Variants in TTLL7 observed in about 807,000 individuals in gnomAD.
TTLL7 encodes the protein tubulin tyrosine ligase like 7, also known as tubulin polyglutamylase TTLL7.
A neutral mutation model predicts 120.2 loss-of-function variants in TTLL7; 53 were observed. That is an observed-to-expected ratio of 0.44 (90% CI 0.35 to 0.55). The LOEUF (loss-of-function observed/expected upper bound fraction) is 0.55, where lower values mean the gene tolerates loss of function less well. TTLL7 is among the 20% of genes least tolerant of loss of function. The probability of loss-of-function intolerance (pLI) is 0.00; values close to 1 mark genes in which losing one functional copy is unlikely to be tolerated. For synonymous variants in TTLL7, 353 were observed against 351.7 expected, an observed-to-expected ratio of 1.00 and a Z score of -0.04; for missense variants, 803 against 1,054.7, an observed-to-expected ratio of 0.76 and a Z score of 3.31.
chr1:83,924,450 C>CTT (rs1267133866), intron 10 of TTLL7, among the ~76,000 whole-genome samples: 1 of 152,150 alleles, frequency 6.6e-6, no homozygotes, highest in Non-Finnish European at 1.5e-5. Flanking sequence ...ATCCCAGTTA[C>CTT]TTTAAGCCAG....
At chr1:83,951,734 T>C in intron 3 of TTLL7, 111 bp downstream of exon 3, 1 of 1,226,270 alleles carries the variant, frequency 8.2e-7, no homozygotes, top group South Asian at 1.8e-5. Context: ...CATTTAAAAA[T>C]CCATTATATA....
chr1:83,996,419 C>G (rs1178256541), intron 1 of TTLL7, among the ~76,000 whole-genome samples: 1 of 152,152 alleles, frequency 6.6e-6, no homozygotes, highest in Non-Finnish European at 1.5e-5. Context: ...TGTATCCAAA[C>G]AGTAGATGAG....
chr1:83,949,718 T>C, intron 4 of TTLL7, 147 bp downstream of exon 4: 1 of 786,270 alleles, frequency 1.3e-6, no homozygotes, highest in Non-Finnish European at 2.0e-6. Flanking sequence ...AAAGAGCCAA[T>C]ACAACTGGAT....
At chr1:83,885,297 A>G (rs1361736392) in intron 19 of TTLL7, among the ~76,000 whole-genome samples, 1 of 152,000 alleles carries the variant, frequency 6.6e-6, no homozygotes, top group African/African-American at 2.4e-5. Flanking sequence ...ACTTGGATAT[A>G]TTTATTTCTT....
chr1:83,874,782 A>G lies in TTLL7; in HGVS notation c.2544-4700T>C, dbSNP rs1653771313. Among the ~76,000 whole-genome samples, 4 of 151,996 alleles carry G rather than the reference A, an allele frequency of 2.6e-5. No homozygotes were observed. The South Asian group carries it at 8.3e-4, about 31-fold the overall frequency. On this transcript the variant is annotated intron_variant, in intron 20 of 20. Coordinates refer to ENST00000260505, the MANE Select transcript of TTLL7 (RefSeq NM_024686.6). ...ATCTAAATCCAATATGGATTTGGATAAGCCTCACTTTTCTCAGCTGTAAAA... is the reference window on the plus strand; with the variant it reads ...ATCTAAATCCAATATGGATTTGGATGAGCCTCACTTTTCTCAGCTGTAAAA...
At chr1:83,932,046 T>C (rs1659644192) in intron 9 of TTLL7, among the ~76,000 whole-genome samples, 1 of 151,816 alleles carries the variant, frequency 6.6e-6, no homozygotes, top group Admixed American at 6.6e-5. Context: ...AAGGAAAGAG[T>C]AAAGAATGAA....
intron 20 of TTLL7, among the ~76,000 whole-genome samples, chr1:83,873,433 A>T (rs1653624755): frequency 6.6e-6 from 1 of 152,212 alleles, no homozygotes. Context: ...AAGCAGGAAG[A>T]CTATCTCATG....
chr1:83,952,108 T>G, intron 2 of TTLL7, 79 bp downstream of exon 2: 3 of 1,532,718 alleles, frequency 2.0e-6, no homozygotes, highest in Non-Finnish European at 2.7e-6. Flanking sequence ...CCAATTAATT[T>G]TTAATACTTT....
At chr1:83,956,268 T>TTTTATTTATTTA (rs200856042) in intron 1 of TTLL7, among the ~76,000 whole-genome samples, 3 of 150,368 alleles carry the variant, frequency 2.0e-5, no homozygotes, top group Admixed American at 2.0e-4. Flanking sequence ...TTATTATTAT[T>TTTTATTTATTTA]TTTATTTATT....
chr1:83,872,457 A>T (rs1246959537), intron 20 of TTLL7, among the ~76,000 whole-genome samples: 2 of 152,208 alleles, frequency 1.3e-5, no homozygotes, highest in Non-Finnish European at 2.9e-5. Flanking sequence ...TATCCTTCCT[A>T]TCTAGGGCAA....
intron 1 of TTLL7, among the ~76,000 whole-genome samples, chr1:83,975,707 G>A (rs1250265381): frequency 3.3e-5 from 5 of 152,048 alleles, no homozygotes; most frequent in South Asian, 2.1e-4. Context: ...TCTTGAAACC[G>A]TGCTGAAAAA....
At chr1:83,903,015 C>A (rs894320875) in intron 18 of TTLL7, among the ~76,000 whole-genome samples, 5 of 151,882 alleles carry the variant, frequency 3.3e-5, no homozygotes, top group African/African-American at 4.8e-5. Flanking sequence ...AATTCCCACT[C>A]CCCCGGTTCT....
chr1:83,973,056 T>C (rs1321681658), intron 1 of TTLL7, among the ~76,000 whole-genome samples: 1 of 152,046 alleles, frequency 6.6e-6, no homozygotes, highest in East Asian at 1.9e-4. Context: ...TTTCACAGAA[T>C]GTAAGTTTTT....
intron 1 of TTLL7, among the ~76,000 whole-genome samples, chr1:83,965,333 G>A (rs372999957): frequency 1.3e-5 from 2 of 151,988 alleles, no homozygotes; most frequent in African/African-American, 2.4e-5. Context: ...GAGTTCTCAC[G>A]AAATCTGATG....
In TTLL7 at chr1:83,887,792, T is replaced by C. The variant is rs77027884; in HGVS notation, c.2369+2529A>G. On this transcript the variant is annotated intron_variant, in intron 19 of 20. Coordinates refer to ENST00000260505, the MANE Select transcript of TTLL7 (RefSeq NM_024686.6). ...AGGCTCATACAGTTACTATGGGAAA[T>C]TGAGTAAATTATATACTCTGTTTAT... 8.3e-3 allele frequency among the ~76,000 whole-genome samples: 1,265 copies of C among 151,712 alleles called. 16 individuals are homozygous for C. The highest frequency in any genetic ancestry group is 0.029 in the African/African-American group (1,220 of 41,500).
intron 3 of TTLL7, among the ~76,000 whole-genome samples, 196 bp from the exon 4 acceptor site, chr1:83,950,182 C>T (rs1358165322): frequency 9.9e-5 from 15 of 152,042 alleles, no homozygotes. Flanking sequence ...AACTGTTTTT[C>T]GGTTGCACCC....
At chr1:83,928,968 A>C (rs965775102) in intron 10 of TTLL7, among the ~76,000 whole-genome samples, 168 bp downstream of exon 10, 2 of 152,052 alleles carry the variant, frequency 1.3e-5, no homozygotes, top group African/African-American at 2.4e-5. Context: ...AAAAATACAA[A>C]ATGGATGGAA....
At chr1:83,943,366 G>A (rs76469974) in intron 6 of TTLL7, among the ~76,000 whole-genome samples, 6,271 of 152,150 alleles carry the variant, frequency 0.041, 156 homozygotes, top group Middle Eastern at 0.099. Flanking sequence ...AGAAAGACCC[G>A]AGAAGGCCCT....
chr1:83,965,323 G>T (rs879432085), intron 1 of TTLL7, among the ~76,000 whole-genome samples: 8 of 152,030 alleles, frequency 5.3e-5, no homozygotes, highest in Non-Finnish European at 8.8e-5. Flanking sequence ...GATAGTGAGT[G>T]AGTTCTCACG....
Sources: allele counts gnomAD v4.1 joint callset (sites outside exome capture counted in the v4.1 genomes callset), GRCh38; gene constraint gnomAD v4.1.1; transcripts MANE v1.5; gene names NCBI Gene and HGNC (gene_info 2026-07-23, HGNC 2026-07-21).